The following TOPBP1 variants were observed in gnomAD, a reference collection of about 807,000 sequenced individuals.
TOPBP1 encodes the protein DNA topoisomerase 2-binding protein 1.
Under a neutral mutation model 167.7 loss-of-function variants are expected in TOPBP1, and 28 were observed. The ratio of observed to expected loss-of-function variants is 0.17; its 90% CI spans 0.12 to 0.23. TOPBP1 has a LOEUF of 0.23. Among genes scored for constraint, TOPBP1 ranks in the 10% least tolerant of loss-of-function variants. The probability of loss-of-function intolerance (pLI) is 1.00; values close to 1 mark genes in which losing one functional copy is unlikely to be tolerated. For synonymous variants in TOPBP1, 598 were observed against 611.4 expected (o/e 0.98, Z 0.32); for missense variants, 1,554 against 1,809.6 (o/e 0.86, Z 2.56).
In TOPBP1 at chr3:133,628,384, C is replaced by T. The variant is rs569677075; in HGVS notation, c.2782G>A (p.Ala928Thr). 36 of 1,604,028 alleles carry T rather than the reference C, an allele frequency of 2.2e-5. 1 individual carries two copies. The South Asian group carries it at 3.9e-4, about 18-fold the overall frequency. Residue 928 changes from alanine to threonine, a missense_variant, in exon 16 of 28, where the codon GCC becomes ACC. Around this residue, in one of 3 missense-constraint regions of TOPBP1, gnomAD observed 1,197 missense variants for 1,351.5 expected, o/e 0.89. Coordinates refer to ENST00000260810, the MANE Select transcript of TOPBP1 (RefSeq NM_007027.4). ...TACCTGTAATCTGCTCCTAGAGAGGCTGCGATCCCATTTAGTTCACTCTGC... is the reference window on the plus strand; with the variant it reads ...TACCTGTAATCTGCTCCTAGAGAGGTTGCGATCCCATTTAGTTCACTCTGC... The part of the protein sequence containing the change: ...KKQSELNGIA[A>T]SLGADYRWSF...
chr3:133,645,380 G>C (rs1002570220), intron 10 of TOPBP1, among the ~76,000 whole-genome samples: 1 of 152,074 alleles, frequency 6.6e-6, no homozygotes, highest in Non-Finnish European at 1.5e-5. Flanking sequence ...CATAATATAA[G>C]GAATAAAGGG....
At position 133,644,283 on chromosome 3, in the gene TOPBP1, A is replaced by G; in HGVS notation, c.1585T>C (p.Leu529=). 1 of 1,613,776 alleles carries G rather than the reference A, an allele frequency of 6.2e-7. No homozygotes were observed. Among genetic ancestry groups the G allele is most frequent in the Non-Finnish European group, 8.5e-7 (1 of 1,179,800 alleles). Residue 529 remains leucine (L), a synonymous_variant, in exon 11 of 28, where the codon TTG becomes CTG. Coordinates refer to ENST00000260810, the MANE Select transcript of TOPBP1 (RefSeq NM_007027.4). ...ACAGAAGACTGGTTTTCTTCTTGCAAAGAAATGTGAGTAGAATCATTCAAG... is the reference window on the plus strand; with the variant it reads ...ACAGAAGACTGGTTTTCTTCTTGCAGAGAAATGTGAGTAGAATCATTCAAG... ...EPLNDSTHIS[L]QEENQSSVSH...
chr3:133,660,241 T>A (rs1936642655), intron 2 of TOPBP1, among the ~76,000 whole-genome samples: 4 of 152,192 alleles, frequency 2.6e-5, no homozygotes, highest in Admixed American at 2.6e-4. Context: ...TTTAAGATTA[T>A]AACCCCCTTC....
chr3:133,602,033 G>A (rs915162703), intron 27 of TOPBP1, among the ~76,000 whole-genome samples: 4 of 152,164 alleles, frequency 2.6e-5, no homozygotes, highest in African/African-American at 9.7e-5. Flanking sequence ...CAAACACAGT[G>A]TATGAAGTAA....
At chr3:133,643,834 T>A (rs1244249955) in intron 11 of TOPBP1, among the ~76,000 whole-genome samples, 186 bp downstream of exon 11, 1 of 152,224 alleles carries the variant, frequency 6.6e-6, no homozygotes, top group Non-Finnish European at 1.5e-5. Flanking sequence ...TAATCTCTAC[T>A]GTATCGGGAT....
At chr3:133,625,587 C>A (rs1335876854) in intron 16 of TOPBP1, among the ~76,000 whole-genome samples, 1 of 151,862 alleles carries the variant, frequency 6.6e-6, no homozygotes, top group African/African-American at 2.4e-5. Context: ...CAAAATTAGC[C>A]GGGTGTGGTG....
rs1431883781 is a variant in TOPBP1, at chr3:133,615,089, A to T, written c.3871+1725T>A. Among the ~76,000 whole-genome samples the T allele has an allele frequency of 1.5e-4, 23 of 149,214 alleles. 1 individual carries two copies. The highest frequency in any genetic ancestry group is 1.3e-3 in the Admixed American group (19 of 15,096). ...TGACATAAATCTTTTTTTTTTTTTT[A>T]AAGCATATCATAGTTTTCCACATTC... On this transcript the variant is annotated intron_variant, in intron 23 of 27. Transcript: ENST00000260810.
chr3:133,616,345 C>T (rs1195665786), intron 23 of TOPBP1, among the ~76,000 whole-genome samples: 1 of 152,068 alleles, frequency 6.6e-6, no homozygotes, highest in African/African-American at 2.4e-5. Context: ...TAGTCTTAAA[C>T]TCCTGACCCC....
intron 16 of TOPBP1, among the ~76,000 whole-genome samples, chr3:133,625,312 G>C (rs1040156739): frequency 1.3e-5 from 2 of 152,148 alleles, no homozygotes; most frequent in Non-Finnish European, 1.5e-5. Flanking sequence ...AAAAACCAAA[G>C]GGTAGGTAAA....
intron 12 of TOPBP1, 123 bp downstream of exon 12, chr3:133,643,077 C>T: frequency 1.1e-6 from 1 of 883,500 alleles, no homozygotes; most frequent in Non-Finnish European, 1.6e-6. Flanking sequence ...GGAGAAGGAA[C>T]CACATAACAC....
intron 27 of TOPBP1, among the ~76,000 whole-genome samples, chr3:133,603,932 T>A (rs751823778): frequency 2.6e-5 from 4 of 151,866 alleles, no homozygotes; most frequent in Middle Eastern, 3.2e-3. Flanking sequence ...AGCTGGGTGA[T>A]AAAACAAGTC....
chr3:133,654,166 T>A (rs967561041), intron 6 of TOPBP1, among the ~76,000 whole-genome samples: 16 of 152,172 alleles, frequency 1.1e-4, no homozygotes, highest in African/African-American at 3.9e-4. Context: ...GGTTTGCATA[T>A]AGGCTCCATC....
Position 133,627,596 on chromosome 3 carries a change from A to G in TOPBP1, c.2804+766T>C, listed in dbSNP as rs1576294502. ...TTTATCAAATAGAAAACAAACTGAAATAAGAGTTACCAAAGGGGAAGATGA... is the reference window on the plus strand; with the variant it reads ...TTTATCAAATAGAAAACAAACTGAAGTAAGAGTTACCAAAGGGGAAGATGA... On this transcript the variant is annotated intron_variant, in intron 16 of 27. Coordinates refer to ENST00000260810, the MANE Select transcript of TOPBP1 (RefSeq NM_007027.4). Among the ~76,000 whole-genome samples the G allele has an allele frequency of 2.0e-5, 3 of 152,326 alleles. No homozygotes were observed. The Middle Eastern group carries it at 0.01, about 518-fold the overall frequency.
At chr3:133,648,618 A>T (rs982137456) in intron 10 of TOPBP1, among the ~76,000 whole-genome samples, 1 of 152,056 alleles carries the variant, frequency 6.6e-6, no homozygotes, top group Non-Finnish European at 1.5e-5. Context: ...GCCAACACTG[A>T]GAAACCCCAT....
rs373654404 is a variant in TOPBP1 at position 133,612,815 on chromosome 3, A to C, written c.3872-263T>G. On this transcript the variant is annotated intron_variant, in intron 23 of 27. Coordinates refer to ENST00000260810, the MANE Select transcript of TOPBP1 (RefSeq NM_007027.4). ...CATATACTAGCTACCTATATTCTAA[A>C]ATTATCCAAATTCTGCCACCTTTTT... 4.6e-5 allele frequency among the ~76,000 whole-genome samples: 7 copies of C among 152,240 alleles called. 1 individual carries two copies. The highest frequency in any genetic ancestry group is 6.5e-5 in the Admixed American group (1 of 15,296).
At chr3:133,603,078 T>C (rs2107764274) in intron 27 of TOPBP1, among the ~76,000 whole-genome samples, 1 of 152,028 alleles carries the variant, frequency 6.6e-6, no homozygotes, top group East Asian at 1.9e-4. Flanking sequence ...GTATTTTTAG[T>C]AGAGACACGG....
chr3:133,604,989 A>C (rs1934441987), intron 27 of TOPBP1, among the ~76,000 whole-genome samples: 1 of 151,882 alleles, frequency 6.6e-6, no homozygotes, highest in South Asian at 2.1e-4. Flanking sequence ...GACTTTGGGA[A>C]GCCGTGGGGA....
intron 14 of TOPBP1, among the ~76,000 whole-genome samples, chr3:133,634,978 A>C (rs1163527729): frequency 6.6e-6 from 1 of 152,252 alleles, no homozygotes; most frequent in Admixed American, 6.5e-5. Context: ...ATATGCAATG[A>C]AAAATAGAAG....
intron 14 of TOPBP1, among the ~76,000 whole-genome samples, chr3:133,631,524 T>G (rs1278918368): frequency 6.6e-6 from 1 of 152,198 alleles, no homozygotes; most frequent in Non-Finnish European, 1.5e-5. Flanking sequence ...GGTTTGGATT[T>G]GTGTCCCCAC....
Sources: allele counts gnomAD v4.1 joint callset (sites outside exome capture counted in the v4.1 genomes callset), GRCh38; gene constraint gnomAD v4.1.1; regional missense constraint gnomAD v4.1.1; transcripts MANE v1.5; gene names NCBI Gene and HGNC (gene_info 2026-07-23, HGNC 2026-07-21).